Variants in PDGFC observed in about 807,000 individuals in gnomAD.
PDGFC encodes platelet derived growth factor C.
Under a neutral mutation model 35.5 loss-of-function variants are expected in PDGFC, and 12 were observed. The observed-to-expected ratio is 0.34, with a 90% CI of 0.22 to 0.55. The LOEUF (loss-of-function observed/expected upper bound fraction) is 0.55, where lower values mean the gene tolerates loss of function less well. PDGFC is among the 20% of genes least tolerant of loss of function. PDGFC has a pLI of 0.91. For missense variants in PDGFC, 322 were observed against 412.4 expected (o/e 0.78, Z 1.90); for synonymous variants, 159 against 148.8 (o/e 1.07, Z -0.50).
At chr4:156,969,725 C>G (rs977128448) in intron 1 of PDGFC, among the ~76,000 whole-genome samples, 2 of 152,100 alleles carry the variant, frequency 1.3e-5, no homozygotes, top group Non-Finnish European at 2.9e-5. Flanking sequence ...GTGACAGAAT[C>G]CTTGCATTCT....
intron 1 of PDGFC, among the ~76,000 whole-genome samples, chr4:156,854,516 A>T (rs1362489155): frequency 2.0e-5 from 3 of 152,300 alleles, no homozygotes; most frequent in South Asian, 4.1e-4. Context: ...CTCCCAAAAA[A>T]TTCACCTTGA....
intron 1 of PDGFC, among the ~76,000 whole-genome samples, chr4:156,860,943 T>G (rs1729696449): frequency 6.6e-6 from 1 of 152,146 alleles, no homozygotes; most frequent in Admixed American, 6.6e-5. Context: ...AACAGGAAAC[T>G]TATTTAGTTC....
chr4:156,830,500 C>G (rs1013859189), intron 2 of PDGFC, among the ~76,000 whole-genome samples: 1 of 152,018 alleles, frequency 6.6e-6, no homozygotes, highest in African/African-American at 2.4e-5. Context: ...CTACTTAGGG[C>G]TTTAGTCATT....
intron 2 of PDGFC, 148 bp downstream of exon 2, chr4:156,850,073 A>G: frequency 2.1e-6 from 1 of 478,480 alleles, no homozygotes; most frequent in East Asian, 3.1e-5. Flanking sequence ...CTTCAAATAA[A>G]ACATAGCTTC....
chr4:156,896,098 A>C (rs2110741371), intron 1 of PDGFC, among the ~76,000 whole-genome samples: 1 of 152,328 alleles, frequency 6.6e-6, no homozygotes, highest in South Asian at 2.1e-4. Flanking sequence ...TTAATTAAAT[A>C]TTAATTAAAG....
intron 1 of PDGFC, among the ~76,000 whole-genome samples, chr4:156,913,372 A>G (rs1731084131): frequency 6.6e-6 from 1 of 152,136 alleles, no homozygotes; most frequent in Non-Finnish European, 1.5e-5. Flanking sequence ...GAAAAAAAAA[A>G]TAGGACCTGA....
At chr4:156,962,932 C>T (rs1732376250) in intron 1 of PDGFC, among the ~76,000 whole-genome samples, 1 of 152,160 alleles carries the variant, frequency 6.6e-6, no homozygotes, top group Non-Finnish European at 1.5e-5. Context: ...CTCTAAAATG[C>T]ATCTAAATCC....
intron 3 of PDGFC, among the ~76,000 whole-genome samples, chr4:156,793,245 G>C (rs1454932694): frequency 6.6e-6 from 1 of 151,812 alleles, no homozygotes; most frequent in African/African-American, 2.4e-5. Flanking sequence ...GGTTATAATG[G>C]AAACTATTTT....
At chr4:156,826,521 G>C (rs553354050) in intron 2 of PDGFC, among the ~76,000 whole-genome samples, 1 of 151,878 alleles carries the variant, frequency 6.6e-6, no homozygotes, top group South Asian at 2.1e-4. Context: ...TGACTGTAAA[G>C]GAAATTATTT....
chr4:156,824,391 CAT>C (rs142895313), intron 2 of PDGFC, among the ~76,000 whole-genome samples: 8,232 of 146,928 alleles, frequency 0.056, 850 homozygotes, highest in African/African-American at 0.2. Context: ...CATACACACA[CAT>C]ATATATACAC....
intron 3 of PDGFC, among the ~76,000 whole-genome samples, chr4:156,808,794 A>C (rs2110938094): frequency 6.6e-6 from 1 of 152,182 alleles, no homozygotes; most frequent in East Asian, 1.9e-4. Flanking sequence ...TATTAAGAGT[A>C]GAATGAATGT....
chr4:156,809,733 ATATT>A (rs1731880526), intron 3 of PDGFC, among the ~76,000 whole-genome samples: 1 of 151,822 alleles, frequency 6.6e-6, no homozygotes, highest in South Asian at 2.1e-4. Flanking sequence ...TTCAGTAGTG[ATATT>A]TATACGTTAG....
At chr4:156,857,141 T>C (rs112556881) in intron 1 of PDGFC, among the ~76,000 whole-genome samples, 3,449 of 151,866 alleles carry the variant, frequency 0.023, 53 homozygotes, top group African/African-American at 0.043. Context: ...TGAAATGATA[T>C]TTGTATAAAA....
In PDGFC at chr4:156,970,863, G is replaced by C. The variant is rs200141022; in HGVS notation, c.41C>G (p.Ala14Gly). The C allele has an allele frequency of 1.0e-4, 163 of 1,613,920 alleles. No homozygotes were observed. Among genetic ancestry groups the C allele is most frequent in the Non-Finnish European group, 1.3e-4 (156 of 1,179,882 alleles). The change falls in exon 1 of 6, where the codon GCC becomes GGC. Residue 14 changes from alanine to glycine, a missense_variant. Physicochemically the swap from Ala to Gly is moderately conservative, Grantham distance 60. This residue lies in a region of PDGFC where 120 missense variants were observed against 116.6 expected (regional missense o/e 1.03). Transcript: ENST00000502773. ...CGCCTGAGTCCCCTGTCTCTGGCCGGCCAGGGCAGATGTCAGCAGGAGAAG... is the reference window on the plus strand; with the variant it reads ...CGCCTGAGTCCCCTGTCTCTGGCCGCCCAGGGCAGATGTCAGCAGGAGAAG... ...FGLLLLTSAL[A>G]GQRQGTQAES...
In PDGFC at chr4:156,914,394, TTCCA is replaced by T. The variant is rs540697780; in HGVS notation, c.118+56388_118+56391del. 2.6e-5 allele frequency among the ~76,000 whole-genome samples: 4 copies of T among 152,254 alleles called. No homozygotes were observed. In the South Asian group the frequency reaches 8.3e-4, roughly 32 times the overall value. On this transcript the variant is annotated intron_variant, in intron 1 of 5. Coordinates refer to ENST00000502773, the MANE Select transcript of PDGFC (RefSeq NM_016205.3). ...CCTATATAGCCTTCTGGATCTGAAC[TTCCA>T]TTGTTTGATGAACCCCTTAGTGAAT...
chr4:156,779,003 C>A, intron 3 of PDGFC: 1 of 336,792 alleles, frequency 3.0e-6, no homozygotes, highest in Non-Finnish European at 6.0e-6. Flanking sequence ...CAATAAATGT[C>A]CAGCCTTGGG....
intron 1 of PDGFC, among the ~76,000 whole-genome samples, chr4:156,892,052 G>C (rs1730525715): frequency 6.6e-6 from 1 of 152,184 alleles, no homozygotes; most frequent in Non-Finnish European, 1.5e-5. Context: ...AGGTCAAGGA[G>C]AAGCCTTGTG....
intron 3 of PDGFC, among the ~76,000 whole-genome samples, chr4:156,794,503 GAGA>G (rs1731385907): frequency 1.3e-5 from 2 of 151,704 alleles, no homozygotes; most frequent in Middle Eastern, 3.2e-3. Context: ...AAGAATGAAA[GAGA>G]AGAAGGAAGA....
intron 5 of PDGFC, among the ~76,000 whole-genome samples, chr4:156,764,057 T>G (rs1414252731): frequency 6.6e-6 from 1 of 152,164 alleles, no homozygotes; most frequent in Non-Finnish European, 1.5e-5. Context: ...ATAGAAACAA[T>G]AAAGTTTAGG....
Sources: allele counts gnomAD v4.1 joint callset (sites outside exome capture counted in the v4.1 genomes callset), GRCh38; gene constraint gnomAD v4.1.1; regional missense constraint gnomAD v4.1.1; transcripts MANE v1.5; gene names NCBI Gene and HGNC (gene_info 2026-07-23, HGNC 2026-07-21).